Variants in ZFHX3 observed in about 807,000 individuals in gnomAD.
The protein encoded by ZFHX3 is zinc finger homeobox protein 3.
A neutral mutation model predicts 279.1 loss-of-function variants in ZFHX3; 42 were observed. The observed-to-expected ratio is 0.15, with a 90% CI of 0.12 to 0.19. The LOEUF (loss-of-function observed/expected upper bound fraction) is 0.19. ZFHX3 is among the 10% of genes least tolerant of loss of function. ZFHX3 has a pLI of 1.00. For missense variants in ZFHX3, 4,981 were observed against 4,754.0 expected, an observed-to-expected ratio of 1.05 and a Z score of -1.40; for synonymous variants, 2,293 against 1,957.8, an observed-to-expected ratio of 1.17 and a Z score of -4.52.
chr16:73,648,350 T>C (rs1343872402), intron 2 of ZFHX3, among the ~76,000 whole-genome samples: 1 of 152,208 alleles, frequency 6.6e-6, no homozygotes, highest in Non-Finnish European at 1.5e-5. Context: ...AAAGCTGAGC[T>C]TTAAAAAACA....
intron 2 of ZFHX3, among the ~76,000 whole-genome samples, chr16:73,487,248 G>A (rs1202342224): frequency 3.3e-5 from 5 of 152,300 alleles, no homozygotes; most frequent in Middle Eastern, 3.4e-3. Context: ...GGTGAGAGAC[G>A]TTAATAACAA....
At chr16:73,500,956 G>C (rs2019229294) in intron 2 of ZFHX3, among the ~76,000 whole-genome samples, 1 of 152,208 alleles carries the variant, frequency 6.6e-6, no homozygotes, top group South Asian at 2.1e-4. Context: ...TAATGGCCTA[G>C]GCCGTCACAC....
intron 3 of ZFHX3, among the ~76,000 whole-genome samples, chr16:73,349,647 T>TCC (rs1278260022): frequency 1.4e-4 from 2 of 14,610 alleles, no homozygotes; most frequent in Admixed American, 7.1e-4. Context: ...CCTCCCTCCC[T>TCC]CTCTCCCTCC....
At chr16:73,735,740 C>T (rs1350624422) in intron 1 of ZFHX3, among the ~76,000 whole-genome samples, 1 of 152,114 alleles carries the variant, frequency 6.6e-6, no homozygotes, top group Non-Finnish European at 1.5e-5. Flanking sequence ...CCCTTTTGAG[C>T]TATCTCATCT....
intron 1 of ZFHX3, among the ~76,000 whole-genome samples, chr16:73,748,226 A>G (rs1209412876): frequency 1.3e-5 from 2 of 152,200 alleles, no homozygotes; most frequent in Non-Finnish European, 1.5e-5. Context: ...AGAGATACTG[A>G]CAATTATTAA....
At chr16:72,932,762 T>C (rs1959892101) in intron 3 of ZFHX3, among the ~76,000 whole-genome samples, 1 of 152,074 alleles carries the variant, frequency 6.6e-6, no homozygotes, top group Non-Finnish European at 1.5e-5. Flanking sequence ...GTCAGTTGTG[T>C]GGTCTAAGAA....
At chr16:73,563,092 G>C (rs1285348124) in intron 2 of ZFHX3, among the ~76,000 whole-genome samples, 2 of 151,962 alleles carry the variant, frequency 1.3e-5, no homozygotes, top group African/African-American at 4.8e-5. Context: ...CAAAGACCAA[G>C]ACTTTGTCAA....
intron 1 of ZFHX3, among the ~76,000 whole-genome samples, chr16:73,058,289 AAGAG>A (rs991366566): frequency 7.4e-6 from 1 of 135,628 alleles, no homozygotes; most frequent in African/African-American, 2.7e-5. Flanking sequence ...GAAGAAGAGA[AAGAG>A]AAAGTTTGGC....
At chr16:73,219,115 T>C (rs1056391504) in intron 5 of ZFHX3, among the ~76,000 whole-genome samples, 16 of 152,264 alleles carry the variant, frequency 1.1e-4, no homozygotes, top group Non-Finnish European at 1.9e-4. Flanking sequence ...TTGAAGCATG[T>C]ATCAGAACTT....
At chr16:73,227,937 T>C (rs1474974402) in intron 5 of ZFHX3, among the ~76,000 whole-genome samples, 2 of 151,868 alleles carry the variant, frequency 1.3e-5, no homozygotes, top group East Asian at 3.9e-4. Context: ...GCCTTCATTA[T>C]GTATAGACTC....
chr16:73,201,526 A>G (rs1409175146), intron 5 of ZFHX3, among the ~76,000 whole-genome samples: 1 of 152,248 alleles, frequency 6.6e-6, no homozygotes, highest in Non-Finnish European at 1.5e-5. Flanking sequence ...TGCATGTTTC[A>G]AACTTATTCT....
At chr16:72,905,076 G>C (rs369964933) in intron 3 of ZFHX3, among the ~76,000 whole-genome samples, 1 of 152,136 alleles carries the variant, frequency 6.6e-6, no homozygotes, top group South Asian at 2.1e-4. Flanking sequence ...CTAACCTCAA[G>C]TGATCCGCCC....
At chr16:72,847,698 G>A (rs2037513817) in intron 4 of ZFHX3, among the ~76,000 whole-genome samples, 1 of 151,830 alleles carries the variant, frequency 6.6e-6, no homozygotes, top group South Asian at 2.1e-4. Flanking sequence ...GACCCAACAG[G>A]GACACCCCAA....
intron 2 of ZFHX3, among the ~76,000 whole-genome samples, chr16:73,585,285 G>A (rs982782948): frequency 5.9e-5 from 9 of 152,106 alleles, no homozygotes; most frequent in Admixed American, 2.0e-4. Flanking sequence ...GTGTGGTGGC[G>A]GGTGCCTATA....
At chr16:73,296,693 G>A (rs2014917967) in intron 4 of ZFHX3, among the ~76,000 whole-genome samples, 1 of 152,016 alleles carries the variant, frequency 6.6e-6, no homozygotes, top group Admixed American at 6.6e-5. Context: ...ATTTGATCAT[G>A]GTTACAGGTA....
At chr16:73,613,159 T>C (rs1041289185) in intron 2 of ZFHX3, among the ~76,000 whole-genome samples, 6 of 152,190 alleles carry the variant, frequency 3.9e-5, no homozygotes, top group Non-Finnish European at 8.8e-5. Flanking sequence ...TAATTTGTTA[T>C]ACAGAAAAAC....
intron 7 of ZFHX3, among the ~76,000 whole-genome samples, chr16:73,101,931 T>TG (rs1375893272): frequency 5.8e-4 from 76 of 131,536 alleles, no homozygotes; most frequent in Non-Finnish European, 8.2e-4. Flanking sequence ...TTTTTTTTTT[T>TG]GAGACAGGAT....
chr16:73,481,328 CAAAA>C (rs71374570), intron 2 of ZFHX3, among the ~76,000 whole-genome samples: 7 of 139,004 alleles, frequency 5.0e-5, no homozygotes, highest in Non-Finnish European at 1.1e-4. Flanking sequence ...GACTCCATCT[CAAAA>C]AAAAAAAAAG....
chr16:73,039,453 G>A (rs994063688), intron 1 of ZFHX3, among the ~76,000 whole-genome samples: 3 of 152,206 alleles, frequency 2.0e-5, no homozygotes, highest in African/African-American at 4.8e-5. Flanking sequence ...TATTTCAGGT[G>A]TTCTTAACTG....
Sources: allele counts gnomAD v4.1 joint callset (sites outside exome capture counted in the v4.1 genomes callset), GRCh38; gene constraint gnomAD v4.1.1; transcripts MANE v1.5; gene names NCBI Gene and HGNC (gene_info 2026-07-23, HGNC 2026-07-21).